NPSR1: variants seen among roughly 807,000 people sequenced by gnomAD.
NPSR1 encodes the protein neuropeptide S receptor 1.
A neutral mutation model predicts 46.9 loss-of-function variants in NPSR1; 48 were observed. That is an observed-to-expected ratio of 1.02 (90% CI 0.81 to 1.30). The LOEUF (loss-of-function observed/expected upper bound fraction) is 1.30, where lower values mean the gene tolerates loss of function less well. Ranked by LOEUF, NPSR1 falls within the 50% of genes most tolerant of loss-of-function variation. The pLI, the probability that NPSR1 is intolerant of heterozygous loss-of-function variation, is 0.00. For synonymous variants in NPSR1, 176 were observed against 168.1 expected, an observed-to-expected ratio of 1.05 and a Z score of -0.36; for missense variants, 450 against 449.5, an observed-to-expected ratio of 1.00 and a Z score of -0.01.
At chr7:34,854,782 T>G (rs1157837446), downstream of NPSR1, among the ~76,000 whole-genome samples, 1 of 152,128 alleles carries the variant, frequency 6.6e-6, no homozygotes, top group Non-Finnish European at 1.5e-5. Context: ...TCTGGATAAT[T>G]TGAGCAACAT....
chr7:34,806,030 C>T (rs530860172), intron 3 of NPSR1, among the ~76,000 whole-genome samples: 37 of 151,872 alleles, frequency 2.4e-4, no homozygotes, highest in Non-Finnish European at 4.7e-4. Context: ...CTGAAAATAC[C>T]AATGGCTGAT....
chr7:34,689,760 T>G (rs527836540), intron 2 of NPSR1, among the ~76,000 whole-genome samples: 144 of 150,730 alleles, frequency 9.6e-4, no homozygotes, highest in African/African-American at 2.9e-3. Context: ...CTGGGCAACA[T>G]AGTGAGACCC....
intron 3 of NPSR1, chr7:34,779,392 G>C (rs971432195): frequency 3.7e-6 from 1 of 273,268 alleles, no homozygotes; most frequent in Non-Finnish European, 7.1e-6. Flanking sequence ...AGTACTTCAG[G>C]TCTAAATTAT....
At chr7:34,817,332 T>A (rs1198891909) in intron 4 of NPSR1, among the ~76,000 whole-genome samples, 1 of 1,074 alleles carries the variant, frequency 9.3e-4, no homozygotes, top group African/African-American at 4.0e-3. Flanking sequence ...ATGGATAAAT[T>A]CCTGGACACA....
intron 3 of NPSR1, among the ~76,000 whole-genome samples, chr7:34,790,205 CA>C (rs1397108533): frequency 6.6e-6 from 1 of 151,946 alleles, no homozygotes; most frequent in Non-Finnish European, 1.5e-5. Context: ...TGGAATGCAA[CA>C]ATAGTTTAAC....
chr7:34,676,643 G>A (rs779748534), intron 1 of NPSR1, among the ~76,000 whole-genome samples: 6 of 152,108 alleles, frequency 3.9e-5, no homozygotes, highest in Non-Finnish European at 8.8e-5. Flanking sequence ...ATTTAAATTT[G>A]ACTGAGTATA....
At chr7:34,845,622 T>G (rs1390931251) in intron 7 of NPSR1, 1 of 455,558 alleles carries the variant, frequency 2.2e-6, no homozygotes, top group Admixed American at 2.4e-5. Context: ...TTTCTAGTCT[T>G]TACTCTGCCT....
intron 3 of NPSR1, among the ~76,000 whole-genome samples, chr7:34,786,769 T>C (rs1787484699): frequency 6.6e-6 from 1 of 152,154 alleles, no homozygotes. Flanking sequence ...ATGTGCACTG[T>C]CAATGAGCAG....
At chr7:34,752,944 A>G (rs1369621351) in intron 2 of NPSR1, among the ~76,000 whole-genome samples, 1 of 152,154 alleles carries the variant, frequency 6.6e-6, no homozygotes, top group Non-Finnish European at 1.5e-5. Flanking sequence ...TTTTGGACAA[A>G]TATCGTGCAA....
chr7:34,751,426 A>G, intron 2 of NPSR1: 1 of 1,055,926 alleles, frequency 9.5e-7, no homozygotes, highest in Non-Finnish European at 1.5e-6. Context: ...AAAGGCAGCC[A>G]GTGTCTGTTT....
intron 5 of NPSR1, 75 bp downstream of exon 5, chr7:34,827,677 C>G: frequency 1.1e-6 from 1 of 947,232 alleles, no homozygotes; most frequent in Non-Finnish European, 1.6e-6. Flanking sequence ...AGCTGTTGCT[C>G]TCCTCCCCAA....
chr7:34,872,969 T>G (rs1478030747), intron 8 of NPSR1, among the ~76,000 whole-genome samples: 2 of 150,468 alleles, frequency 1.3e-5, no homozygotes, highest in African/African-American at 4.9e-5. Context: ...AAACACTGGC[T>G]GTTTGAAGCA....
chr7:34,665,552 C>T (rs981493023), intron 1 of NPSR1, among the ~76,000 whole-genome samples: 1 of 152,194 alleles, frequency 6.6e-6, no homozygotes, highest in Non-Finnish European at 1.5e-5. Context: ...CATCCTGGAC[C>T]ACGTTGTACT....
At chr7:34,658,709 A>G (rs2530551) in intron 1 of NPSR1, 150 bp downstream of exon 1, 392,053 of 774,412 alleles carry the variant, frequency 0.51, 106,049 homozygotes, top group African/African-American at 0.83. Context: ...AAGTGCTAAA[A>G]CAACAAGCTG....
intron 1 of NPSR1, among the ~76,000 whole-genome samples, chr7:34,683,702 G>A (rs2128683701): frequency 6.6e-6 from 1 of 151,982 alleles, no homozygotes; most frequent in Admixed American, 6.6e-5. Flanking sequence ...GACAAGGGAG[G>A]GGAACTGAAC....
chr7:34,789,860 T>C (rs1006502335), intron 3 of NPSR1, among the ~76,000 whole-genome samples: 5 of 150,188 alleles, frequency 3.3e-5, no homozygotes, highest in Non-Finnish European at 1.5e-5. Flanking sequence ...ACACCAATAC[T>C]AAGGAGATTT....
chr7:34,840,921 G>A (rs886248270), intron 6 of NPSR1, among the ~76,000 whole-genome samples: 1 of 152,202 alleles, frequency 6.6e-6, no homozygotes, highest in African/African-American at 2.4e-5. Context: ...ACTGACTGCA[G>A]TCCTGCAGCT....
chr7:34,868,440 C>G lies in NPSR1; in HGVS notation c.1026-9636C>G, dbSNP rs910602848. Among the ~76,000 whole-genome samples the G allele has an allele frequency of 2.6e-5, 4 of 151,650 alleles. No homozygotes were observed. The East Asian group carries it at 7.7e-4, about 29-fold the overall frequency. On this transcript the variant is annotated intron_variant, in intron 8 of 8. Coordinates refer to the NPSR1 transcript ENST00000359791. ...TTCCTGACCAAGAAAGATTGAGGGT[C>G]AACCTGCAAAAAGTAAGCCCCAAAG...
intron 8 of NPSR1, among the ~76,000 whole-genome samples, chr7:34,877,006 C>A (rs1466945324): frequency 6.6e-6 from 1 of 152,188 alleles, no homozygotes; most frequent in African/African-American, 2.4e-5. Context: ...GACACACAAC[C>A]TGGGCCTGCC....
Sources: gnomAD v4.1 joint callset for allele counts (sites outside exome capture counted in the v4.1 genomes callset) on GRCh38, gnomAD v4.1.1 for gene constraint, MANE v1.5 for transcripts, NCBI Gene and HGNC (gene_info 2026-07-23, HGNC 2026-07-21) for gene names.